Variants in FHIT observed in about 807,000 individuals in gnomAD.
The protein encoded by FHIT is fragile histidine triad diadenosine triphosphatase, also known as bis(5'-adenosyl)-triphosphatase.
In FHIT, 19 loss-of-function variants were observed where a neutral mutation model predicts 17.9. The observed-to-expected ratio is 1.06, with a 90% CI of 0.74 to 1.56. The LOEUF (loss-of-function observed/expected upper bound fraction) is 1.56. Among genes scored for constraint, FHIT ranks in the 40% most tolerant of loss-of-function variants. The pLI, the probability that FHIT is intolerant of heterozygous loss-of-function variation, is 0.00. For missense variants in FHIT, 248 were observed against 189.2 expected (o/e 1.31, Z -1.82); for synonymous variants, 81 against 69.7 (o/e 1.16, Z -0.81).
intron 4 of FHIT, among the ~76,000 whole-genome samples, chr3:60,599,346 T>C (rs1553667927): frequency 6.6e-6 from 1 of 152,142 alleles, no homozygotes; most frequent in African/African-American, 2.4e-5. Context: ...TGACAAACAA[T>C]GTGGTCACCT....
At position 60,869,142 on chromosome 3, in the gene FHIT, C is replaced by A. The variant is rs78834122; in HGVS notation, c.-110-47131G>T. Among the ~76,000 whole-genome samples, 472 of 152,264 alleles carry A rather than the reference C, an allele frequency of 3.1e-3. 6 individuals carry two copies. The highest frequency in any genetic ancestry group is 0.011 in the African/African-American group (451 of 41,560). The stretch of plus-strand genomic sequence containing the variant: ...TGAAGATTTTGAAATACCCCTAACA[C>A]ACTTAAATTAAAGATAATACCTATT... On this transcript the variant is annotated intron_variant, in intron 3 of 9. Transcript: ENST00000492590.
chr3:60,785,896 GACACACACACAC>G (rs71092634), intron 4 of FHIT, among the ~76,000 whole-genome samples: 5 of 85,802 alleles, frequency 5.8e-5, no homozygotes, highest in East Asian at 2.6e-4. Flanking sequence ...ACAAACAGAA[GACACACACACAC>G]ACACACACAC....
intron 5 of FHIT, among the ~76,000 whole-genome samples, chr3:60,441,483 A>G (rs2030796045): frequency 6.6e-6 from 1 of 151,540 alleles, no homozygotes; most frequent in South Asian, 2.1e-4. Context: ...ATCATCTCAA[A>G]CTTCTCCTTG....
chr3:60,582,859 T>G (rs1459475905), intron 4 of FHIT, among the ~76,000 whole-genome samples: 1 of 152,004 alleles, frequency 6.6e-6, no homozygotes, highest in African/African-American at 2.4e-5. Context: ...TCAGAACAAA[T>G]CTATATTTTA....
chr3:60,118,920 C>T (rs1242055717), intron 5 of FHIT, among the ~76,000 whole-genome samples: 1 of 150,800 alleles, frequency 6.6e-6, no homozygotes, highest in East Asian at 2.0e-4. Context: ...ACTAGGGAGG[C>T]TGAGGCAGAA....
intron 5 of FHIT, among the ~76,000 whole-genome samples, chr3:60,365,926 G>A (rs1360078743): frequency 6.6e-6 from 1 of 152,172 alleles, no homozygotes; most frequent in Non-Finnish European, 1.5e-5. Flanking sequence ...AACATTCATA[G>A]ATGCTAATGC....
chr3:61,226,907 C>T (rs1024117469), intron 1 of FHIT, among the ~76,000 whole-genome samples: 5 of 152,138 alleles, frequency 3.3e-5, no homozygotes, highest in Non-Finnish European at 7.3e-5. Context: ...GACACAGCCC[C>T]TGCCCTCTTA....
chr3:60,705,651 T>A (rs182245238), intron 4 of FHIT, among the ~76,000 whole-genome samples: 219 of 152,344 alleles, frequency 1.4e-3, no homozygotes, highest in Admixed American at 3.1e-3. Context: ...CCAGTAAATA[T>A]GTTCAAGGCT....
At chr3:61,115,113 T>C (rs1357733935) in intron 2 of FHIT, among the ~76,000 whole-genome samples, 1 of 152,192 alleles carries the variant, frequency 6.6e-6, no homozygotes, top group East Asian at 1.9e-4. Flanking sequence ...ACTGTTGTTC[T>C]AGGTGTTGGG....
At chr3:60,193,910 C>G (rs184596044) in intron 5 of FHIT, among the ~76,000 whole-genome samples, 1 of 152,244 alleles carries the variant, frequency 6.6e-6, no homozygotes, top group Non-Finnish European at 1.5e-5. Context: ...AAAATGGGCT[C>G]GCTTTCCAAT....
chr3:60,359,245 C>T (rs913114625), intron 5 of FHIT, among the ~76,000 whole-genome samples: 1 of 149,308 alleles, frequency 6.7e-6, no homozygotes, highest in Non-Finnish European at 1.5e-5. Context: ...ATTAGATTTC[C>T]AAAATATATT....
intron 8 of FHIT, among the ~76,000 whole-genome samples, chr3:59,833,425 A>G (rs148231635): frequency 6.6e-6 from 1 of 152,196 alleles, no homozygotes; most frequent in Non-Finnish European, 1.5e-5. Context: ...CAAGCCAAGG[A>G]ACATCAAAGA....
chr3:60,835,433 T>G (rs1266108184), intron 3 of FHIT, among the ~76,000 whole-genome samples: 1 of 152,204 alleles, frequency 6.6e-6, no homozygotes, highest in Non-Finnish European at 1.5e-5. Flanking sequence ...CAAACAAGTT[T>G]TATAAATGTT....
chr3:60,499,585 G>A (rs1019188795), intron 5 of FHIT, among the ~76,000 whole-genome samples: 1 of 152,038 alleles, frequency 6.6e-6, no homozygotes, highest in Non-Finnish European at 1.5e-5. Flanking sequence ...TAGAGACGGG[G>A]TTTCACCGTG....
At chr3:59,904,563 A>G (rs1482611521) in intron 8 of FHIT, among the ~76,000 whole-genome samples, 1 of 152,200 alleles carries the variant, frequency 6.6e-6, no homozygotes, top group African/African-American at 2.4e-5. Flanking sequence ...GCAAGCTGGG[A>G]ACCCCTGGCC....
chr3:60,451,445 G>A (rs767217130), intron 5 of FHIT, among the ~76,000 whole-genome samples: 5 of 151,930 alleles, frequency 3.3e-5, no homozygotes, highest in African/African-American at 4.8e-5. Context: ...GGTACATCTT[G>A]TCTTTGACAT....
rs138390128 is a variant in FHIT, at chr3:61,089,421, T to A, written c.-163-47322A>T. Among the ~76,000 whole-genome samples the A allele has an allele frequency of 7.4e-4, 113 of 152,322 alleles. 1 individual carries two copies. The highest frequency in any genetic ancestry group is 2.6e-3 in the African/African-American group (109 of 41,576). ...TCTTCCTCCAGTGCCTGGCAGCTAC[T>A]CATCTGCTTTCAATCTCTATGGATT... On this transcript the variant is annotated intron_variant, in intron 2 of 9. Coordinates refer to ENST00000492590, the MANE Select transcript of FHIT (RefSeq NM_002012.4).
intron 4 of FHIT, among the ~76,000 whole-genome samples, chr3:60,671,942 C>T (rs890942770): frequency 6.6e-6 from 1 of 152,056 alleles, no homozygotes; most frequent in African/African-American, 2.4e-5. Context: ...AAGAGCAAAA[C>T]TCTGTCTTGA....
At chr3:59,996,447 G>C (rs1020487175) in intron 7 of FHIT, among the ~76,000 whole-genome samples, 1 of 152,068 alleles carries the variant, frequency 6.6e-6, no homozygotes, top group Non-Finnish European at 1.5e-5. Flanking sequence ...GTAAGCCTCA[G>C]GGGAATAGGA....
Sources: allele counts gnomAD v4.1 joint callset (sites outside exome capture counted in the v4.1 genomes callset), GRCh38; gene constraint gnomAD v4.1.1; transcripts MANE v1.5; gene names NCBI Gene and HGNC (gene_info 2026-07-23, HGNC 2026-07-21).